RGS14: variants seen among roughly 807,000 people sequenced by gnomAD.
RGS14 encodes regulator of G protein signaling 14.
A neutral mutation model predicts 63.8 loss-of-function variants in RGS14; 33 were observed. The observed-to-expected ratio is 0.52, with a 90% confidence interval of 0.39 to 0.69. The LOEUF (loss-of-function observed/expected upper bound fraction) is 0.69. RGS14 is among the 30% of genes least tolerant of loss of function. The pLI is 0.00. For missense variants in RGS14, 739 were observed against 742.9 expected (o/e 0.99, Z 0.06); for synonymous variants, 296 against 320.9 (o/e 0.92, Z 0.83).
At chr5:177,366,152 C>T (rs770449571) in intron 2 of RGS14, 25 bp from the exon 3 acceptor site, 25 of 1,600,340 alleles carry the variant, frequency 1.6e-5, no homozygotes, top group Non-Finnish European at 2.0e-5. Context: ...GCAAGGCTCA[C>T]CCCAACTTGT....
At chr5:177,370,844 T>C (rs575814563) in intron 10 of RGS14, 61 bp from the exon 11 acceptor site, 6 of 1,587,734 alleles carry the variant, frequency 3.8e-6, no homozygotes, top group African/African-American at 1.3e-5. Context: ...GCGTTTGTCC[T>C]GGGAAGGGTT....
In RGS14 at chr5:177,366,807, G is replaced by C. The variant is rs777102913; in HGVS notation, c.339+7G>C. ...GGCCAGCGATACCCAGCAGGTGGGG[G>C]AAGGGGGAGCTGGGGCCGAGGGCTG... On this transcript the variant is annotated splice_region_variant and intron_variant, in intron 4 of 14. Transcript: ENST00000408923. 6.2e-7 allele frequency: 1 copy of C among 1,614,172 alleles called. No homozygotes were observed. Among genetic ancestry groups the C allele is most frequent in the African/African-American group, 1.3e-5 (1 of 75,064 alleles).
chr5:177,371,656 C>A lies in RGS14; in HGVS notation c.1498+67C>A. ...TGGGGTTGGGGACCATTCAGGGTGG[C>A]ATCAGAGAGCCTTGAGCTAAGGCAG... On this transcript the variant is annotated intron_variant, in intron 14 of 14. Coordinates refer to ENST00000408923, the MANE Select transcript of RGS14 (RefSeq NM_006480.5). This position sits in a 1 kb window ranked among gnomAD's most constrained non-coding sequence, Gnocchi z 6.1. 1 of 1,486,950 alleles carries A rather than the reference C, an allele frequency of 6.7e-7. No homozygotes were observed. The highest frequency in any genetic ancestry group is 9.4e-7 in the Non-Finnish European group (1 of 1,069,166). The allele number at this position is 1,486,950 out of a possible 1,614,324, so 92.1% of individuals were successfully genotyped here.
rs1268607897 is a variant in RGS14, at chr5:177,358,603, T to C, written c.45+534T>C. ...GGGCAGCAGGGTCAGACTAGGTTGA[T>C]GCAGCTTCTGCCTGTTCTATTCCTG... is the stretch of plus-strand genomic sequence containing the variant. On this transcript the variant is annotated intron_variant, in intron 1 of 14. Transcript: ENST00000408923. This position sits in a 1 kb window ranked among gnomAD's most constrained non-coding sequence, Gnocchi z 4.8. Among the ~76,000 whole-genome samples the C allele has an allele frequency of 6.6e-6, 1 of 152,230 alleles. No homozygotes were observed. Among genetic ancestry groups the C allele is most frequent in the Non-Finnish European group, 1.5e-5 (1 of 68,028 alleles).
chr5:177,370,908 G>A lies in RGS14; in HGVS notation c.1131G>A (p.Leu377=), dbSNP rs1368490655. 5 of 1,604,388 alleles carry A rather than the reference G, an allele frequency of 3.1e-6. No individual in the cohort carries two copies. In the African/African-American group the frequency reaches 5.3e-5, roughly 17 times the overall value. ...VRLENRITFE[L]ELTALERVVR... Reference sequence around the variant, plus strand: ...GCTGCCCGAGGGTTCCTCGCAGGCTGGAGCTGACGGCGCTGGAGCGCGTGG... The same window carrying A: ...GCTGCCCGAGGGTTCCTCGCAGGCTAGAGCTGACGGCGCTGGAGCGCGTGG... The change falls in exon 11 of 15, where the codon CTG becomes CTA. Residue 377 remains leucine (L), a synonymous_variant. Transcript: ENST00000408923.
In RGS14 at chr5:177,366,666, G is replaced by A. The variant is rs767524713; in HGVS notation, c.247-42G>A. 4 of 1,587,678 alleles carry A rather than the reference G, an allele frequency of 2.5e-6. No individual in the cohort carries two copies. In the African/African-American group the frequency reaches 4.0e-5, roughly 16 times the overall value. On this transcript the variant is annotated intron_variant, in intron 3 of 14. Transcript: ENST00000408923. ...TCACATCCCCCAGTTTGGTCTCTGT[G>A]TCTCTGAGTCTCTGCCTGCCTCCCC...
rs753144176 is a variant in RGS14 at position 177,366,210 on chromosome 5, G to A, written c.101G>A (p.Gly34Asp). 1.2e-6 allele frequency: 2 copies of A among 1,606,888 alleles called. No individual in the cohort carries two copies. The highest frequency in any genetic ancestry group is 2.2e-5 in the East Asian group (1 of 44,684). ...AGCACGACGGGGCCCCAGGGCCAGG[G>A]CGAGGGCCGCGGCAGCTCTCTCAGC... ...LSSTTGPQGQ[G>D]EGRGSSLSIH... The change falls in exon 3 of 15, where the codon GGC becomes GAC. Residue 34 changes from glycine to aspartate, a missense_variant. Gly to Asp is a moderately conservative substitution (Grantham distance 94). Transcript: ENST00000408923.
At position 177,368,763 on chromosome 5, in the gene RGS14, G is replaced by C. The variant is rs373287223; in HGVS notation, c.896G>C (p.Arg299Pro). The C allele has an allele frequency of 1.9e-6, 3 of 1,614,212 alleles. No homozygotes were observed. Among genetic ancestry groups the C allele is most frequent in the South Asian group, 2.2e-5 (2 of 91,086 alleles). ...AGCACGGAGGGTGAAAGTGAAAGCC[G>C]GCCAGGGAAGTACTGCTGTGTGTAC... The part of the protein sequence containing the change: ...LGSTEGESES[R>P]PGKYCCVYLP... The change falls in exon 9 of 15, where the codon CGG (arginine) becomes CCG (proline). Residue 299 changes from arginine to proline, a missense_variant. Coordinates refer to ENST00000408923, the MANE Select transcript of RGS14 (RefSeq NM_006480.5).
At chr5:177,367,270 G>T in intron 5 of RGS14, 144 bp from the exon 6 acceptor site, 1 of 1,231,428 alleles carries the variant, frequency 8.1e-7, no homozygotes, top group African/African-American at 1.5e-5. Flanking sequence ...CCGGGGGTGG[G>T]TATAGGAACT....
intron 9 of RGS14, among the ~76,000 whole-genome samples, chr5:177,369,560 G>A (rs1762190113): frequency 6.6e-6 from 1 of 152,204 alleles, no homozygotes; most frequent in Admixed American, 6.5e-5. Context: ...CAGGGAGGAG[G>A]AAGAGTGAAA....
intron 6 of RGS14, 67 bp downstream of exon 6, chr5:177,367,624 G>A: frequency 1.9e-6 from 3 of 1,579,362 alleles, no homozygotes; most frequent in Non-Finnish European, 2.6e-6. Flanking sequence ...AAGAGGGGAC[G>A]CCTCCGGGTG....
At chr5:177,363,505 C>T (rs1243229725) in intron 1 of RGS14, among the ~76,000 whole-genome samples, 2 of 152,134 alleles carry the variant, frequency 1.3e-5, no homozygotes, top group Non-Finnish European at 2.9e-5. Flanking sequence ...CTGAGAGACG[C>T]CCCCCGCCCC....
chr5:177,367,887 G>C, intron 7 of RGS14, 62 bp downstream of exon 7: 1 of 1,481,396 alleles, frequency 6.8e-7, no homozygotes, highest in Middle Eastern at 1.8e-4. Flanking sequence ...AATTTGGGGA[G>C]TGCCCCCTTC....
Position 177,371,782 on chromosome 5 carries a change from G to A in RGS14, c.1499-91G>A. ...AGGCCATTGGTGCTGGGGCCAGGGA[G>A]GCAGTGGCCACAGTAAGGCAGTGGG... is the stretch of plus-strand genomic sequence containing the variant. On this transcript the variant is annotated intron_variant, in intron 14 of 14. Transcript: ENST00000408923. The surrounding 1 kb of genome is among the most constrained non-coding windows in gnomAD (Gnocchi z 6.1). The A allele has an allele frequency of 7.2e-7, 1 of 1,395,982 alleles. No homozygotes were observed. The allele number at this position is 1,395,982 out of a possible 1,614,324, so 86.5% of individuals were successfully genotyped here. A position where few individuals can be genotyped will look rare whatever the true frequency, so the allele number is the denominator to read the frequency against.
In RGS14 at chr5:177,366,977, T is replaced by C. The variant is rs879578844; in HGVS notation, c.426T>C (p.Leu142=). The C allele has an allele frequency of 3.7e-6, 6 of 1,613,540 alleles. No homozygotes were observed. The highest frequency in any genetic ancestry group is 1.3e-5 in the African/African-American group (1 of 74,896). The change falls in exon 5 of 15, where the codon CTT becomes CTC. Residue 142 remains leucine (L), a synonymous_variant. Coordinates refer to ENST00000408923, the MANE Select transcript of RGS14 (RefSeq NM_006480.5). ...SPVNIDRQAW[L]GEEVLAEPRP... is the part of the protein sequence containing the mutation. The stretch of plus-strand genomic sequence containing the variant: ...TGAACATCGACCGTCAGGCCTGGCT[T>C]GGCGAGGAGGTGCTGGCCGAGCCCC...
Position 177,370,902 on chromosome 5 carries a change from C to A in RGS14, c.1128-3C>A, listed in dbSNP as rs1762226838. 1 of 1,602,842 alleles carries A rather than the reference C, an allele frequency of 6.2e-7. No homozygotes were observed. Among genetic ancestry groups the A allele is most frequent in the Non-Finnish European group, 8.5e-7 (1 of 1,179,110 alleles). On this transcript the variant is annotated splice_region_variant and splice_polypyrimidine_tract_variant and intron_variant, in intron 10 of 14. Transcript: ENST00000408923. Reference sequence around the variant, plus strand: ...CCCTCTGCTGCCCGAGGGTTCCTCGCAGGCTGGAGCTGACGGCGCTGGAGC... The same window carrying A: ...CCCTCTGCTGCCCGAGGGTTCCTCGAAGGCTGGAGCTGACGGCGCTGGAGC...
intron 5 of RGS14, 55 bp from the exon 6 acceptor site, chr5:177,367,359 C>A: frequency 6.5e-7 from 1 of 1,530,958 alleles, no homozygotes; most frequent in South Asian, 1.2e-5. Flanking sequence ...TGGGTGCAGG[C>A]AGCCCAGCGC....
In RGS14 at chr5:177,359,813, C is replaced by T. The variant is rs1238974713; in HGVS notation, c.45+1744C>T. Among the ~76,000 whole-genome samples the T allele has an allele frequency of 2.0e-5, 3 of 152,218 alleles. No individual in the cohort carries two copies. The highest frequency in any genetic ancestry group is 6.5e-5 in the Admixed American group (1 of 15,280). On this transcript the variant is annotated intron_variant, in intron 1 of 14. Transcript: ENST00000408923. The surrounding 1 kb of genome is among the most constrained non-coding windows in gnomAD (Gnocchi z 4.4). ...CAGACAGGCACTGGGATCTGAGGTG[C>T]GGATGTGGATGGAGGGGCGCCTGGG...
rs768659214 is a variant in RGS14, at chr5:177,358,115, AC to A, written c.45+49del. 7.7e-7 allele frequency: 1 copy of A among 1,301,044 alleles called. No homozygotes were observed. The highest frequency in any genetic ancestry group is 9.9e-7 in the Non-Finnish European group (1 of 1,013,506). 80.6% of individuals were successfully genotyped at this position (1,301,044 alleles called of 1,614,324 possible). The stretch of plus-strand genomic sequence containing the variant: ...AGGGCCACGAGGAGGGGGTGGGCAC[AC>A]CCAGGGTGGAGCCCAGGAGGCACAC... On this transcript the variant is annotated intron_variant, in intron 1 of 14. Transcript: ENST00000408923. The surrounding 1 kb of genome is among the most constrained non-coding windows in gnomAD (Gnocchi z 4.8).
Sources: gnomAD v4.1 joint callset for allele counts (sites outside exome capture counted in the v4.1 genomes callset) on GRCh38, gnomAD v4.1.1 for gene constraint, Gnocchi (gnomAD v3.1) non-coding constraint, MANE v1.5 for transcripts, NCBI Gene and HGNC (gene_info 2026-07-23, HGNC 2026-07-21) for gene names.